The following EDAR variants were observed in gnomAD, a reference collection of about 807,000 sequenced individuals.
EDAR encodes the protein ectodysplasin A receptor.
Under a neutral mutation model 51.3 loss-of-function variants are expected in EDAR, and 38 were observed. The observed-to-expected ratio is 0.74, with a 90% CI of 0.57 to 0.97. The LOEUF (loss-of-function observed/expected upper bound fraction) is 0.97, where lower values mean the gene tolerates loss of function less well. Ranked by LOEUF, EDAR falls within the 50% of genes least tolerant of loss-of-function variation. The probability of loss-of-function intolerance (pLI) is 0.00; values close to 1 mark genes in which losing one functional copy is unlikely to be tolerated. For synonymous variants in EDAR, 227 were observed against 242.1 expected, an observed-to-expected ratio of 0.94 and a Z score of 0.58; for missense variants, 528 against 595.0, an observed-to-expected ratio of 0.89 and a Z score of 1.17.
chr2:108,968,954 C>T (rs7594209), intron 1 of EDAR, among the ~76,000 whole-genome samples: 3,540 of 152,312 alleles, frequency 0.023, 99 homozygotes, highest in African/African-American at 0.065. Flanking sequence ...GACTTCACTG[C>T]TCTGTGGGAC....
At chr2:108,928,071 G>A (rs113257894) in intron 4 of EDAR, among the ~76,000 whole-genome samples, 11 of 152,180 alleles carry the variant, frequency 7.2e-5, no homozygotes, top group African/African-American at 1.9e-4. Flanking sequence ...AGCTTCGAGC[G>A]GAAGGCTCAA....
At chr2:108,988,618 G>A (rs141400233) in intron 1 of EDAR, among the ~76,000 whole-genome samples, 52 of 152,224 alleles carry the variant, frequency 3.4e-4, no homozygotes, top group African/African-American at 1.1e-3. Context: ...CCGGGCACAG[G>A]GGCAAACCTG....
At chr2:108,979,051 T>C (rs1231949296) in intron 1 of EDAR, among the ~76,000 whole-genome samples, 2 of 152,054 alleles carry the variant, frequency 1.3e-5, no homozygotes, top group Admixed American at 1.3e-4. Flanking sequence ...AGCAGAGAGG[T>C]GCCAGCTTCA....
chr2:108,965,768 TG>T (rs1445808442), intron 1 of EDAR, among the ~76,000 whole-genome samples: 1 of 152,046 alleles, frequency 6.6e-6, no homozygotes, highest in Non-Finnish European at 1.5e-5. Context: ...GGTGGGGGGC[TG>T]GGGTTTTAGC....
intron 1 of EDAR, among the ~76,000 whole-genome samples, chr2:108,954,341 T>G (rs1408713069): frequency 6.6e-6 from 1 of 152,222 alleles, no homozygotes; most frequent in African/African-American, 2.4e-5. Context: ...TTAATGTATA[T>G]GCTTATTATT....
chr2:108,963,033 AAAATCTGGTGGC>A (rs1178685919), intron 1 of EDAR, among the ~76,000 whole-genome samples: 2 of 152,178 alleles, frequency 1.3e-5, no homozygotes, highest in Non-Finnish European at 2.9e-5. Flanking sequence ...TGAACTGAAC[AAAATCTGGTGGC>A]TCTGCGTCAC....
At chr2:108,955,605 G>A (rs1000553174) in intron 1 of EDAR, among the ~76,000 whole-genome samples, 3 of 152,144 alleles carry the variant, frequency 2.0e-5, no homozygotes, top group African/African-American at 7.2e-5. Flanking sequence ...CTACCTGGGA[G>A]ACTGAAGCAG....
intron 11 of EDAR, among the ~76,000 whole-genome samples, chr2:108,902,012 G>A (rs148240458): frequency 0.041 from 6,249 of 152,050 alleles, 437 homozygotes; most frequent in African/African-American, 0.14. Context: ...GGCCAAAGCA[G>A]GTGGACCACA....
chr2:108,985,568 A>G (rs548852174), intron 1 of EDAR, among the ~76,000 whole-genome samples: 3 of 152,324 alleles, frequency 2.0e-5, no homozygotes, highest in African/African-American at 7.2e-5. Flanking sequence ...GTATAAAATG[A>G]TGGGCATTTC....
Position 108,970,773 on chromosome 2 carries a change from T to C in EDAR, c.-19+18187A>G, listed in dbSNP as rs77948778. The stretch of plus-strand genomic sequence containing the variant: ...TAGAATTTCCATAAGCCTGGAATTT[T>C]ACACCCTGAAGATAAGTTCGGAAAA... On this transcript the variant is annotated intron_variant, in intron 1 of 11. Transcript: ENST00000258443. 1.0e-2 allele frequency among the ~76,000 whole-genome samples: 1,521 copies of C among 152,314 alleles called. 35 individuals are homozygous for C. Among genetic ancestry groups the C allele is most frequent in the African/African-American group, 0.035 (1,472 of 41,554 alleles).
intron 11 of EDAR, among the ~76,000 whole-genome samples, chr2:108,904,121 A>G (rs1696759434): frequency 1.3e-5 from 2 of 152,192 alleles, no homozygotes; most frequent in Admixed American, 1.3e-4. Flanking sequence ...CTCAACAGCA[A>G]AAAAATCATA....
intron 5 of EDAR, among the ~76,000 whole-genome samples, chr2:108,923,049 C>T (rs1406984489): frequency 2.6e-5 from 4 of 152,094 alleles, no homozygotes; most frequent in Non-Finnish European, 5.9e-5. Flanking sequence ...TCACAATGAC[C>T]GTGAGAGATG....
At chr2:108,949,620 C>G (rs1168729082) in intron 1 of EDAR, among the ~76,000 whole-genome samples, 1 of 152,188 alleles carries the variant, frequency 6.6e-6, no homozygotes. Flanking sequence ...AGATTTCTCC[C>G]TCTTGCTCAT....
intron 4 of EDAR, among the ~76,000 whole-genome samples, chr2:108,927,555 G>A (rs1386124462): frequency 2.6e-5 from 4 of 152,154 alleles, no homozygotes; most frequent in Non-Finnish European, 2.9e-5. Context: ...GGTCTGAACC[G>A]TAGCCAGGCC....
intron 1 of EDAR, among the ~76,000 whole-genome samples, chr2:108,950,958 T>C (rs889307677): frequency 1.3e-5 from 2 of 152,186 alleles, no homozygotes; most frequent in Non-Finnish European, 2.9e-5. Flanking sequence ...CAGCTGCCAG[T>C]TGGGGGACTC....
chr2:108,939,902 C>G (rs1437626687), intron 1 of EDAR, among the ~76,000 whole-genome samples: 3 of 152,164 alleles, frequency 2.0e-5, no homozygotes, highest in African/African-American at 7.2e-5. Flanking sequence ...AAAGTTGGCA[C>G]CTTAAAGTAT....
chr2:108,906,358 C>T lies in EDAR; in HGVS notation c.974G>A (p.Arg325Gln), dbSNP rs1245062945. ...ATACACATCGAGGATCTTTTTCCTC[C>T]GGCTTTGAATCTGTGAAAAAGAGTC... ...TSNKSAGIQS[R>Q]RKKILDVYAN... Residue 325 changes from arginine to glutamine, a missense_variant, in exon 11 of 12, where the codon CGG becomes CAG. Coordinates refer to ENST00000258443, the MANE Select transcript of EDAR (RefSeq NM_022336.4). 3.7e-6 allele frequency: 6 copies of T among 1,614,136 alleles called. No homozygotes were observed. The highest frequency in any genetic ancestry group is 4.5e-5 in the East Asian group (2 of 44,866).
In EDAR at chr2:108,922,352, G is replaced by A. The variant is rs576592968; in HGVS notation, c.442+1016C>T. Among the ~76,000 whole-genome samples the A allele has an allele frequency of 5.9e-5, 9 of 152,356 alleles. No homozygotes were observed. The East Asian group carries it at 1.7e-3, about 29-fold the overall frequency. ...GAGTCAGGCTGGCAGCCGAGCTGCG[G>A]CCTCCTCTAATTTGTGAATTAATTA... On this transcript the variant is annotated intron_variant, in intron 5 of 11. Transcript: ENST00000258443.
intron 1 of EDAR, among the ~76,000 whole-genome samples, chr2:108,957,656 C>T (rs150620256): frequency 1.3e-5 from 2 of 152,350 alleles, no homozygotes; most frequent in Non-Finnish European, 2.9e-5. Context: ...ATAATTGATG[C>T]GGCCTTACAA....
Sources: allele counts gnomAD v4.1 joint callset (sites outside exome capture counted in the v4.1 genomes callset), GRCh38; gene constraint gnomAD v4.1.1; transcripts MANE v1.5; gene names NCBI Gene and HGNC (gene_info 2026-07-23, HGNC 2026-07-21).